PIK3R1: variants seen among roughly 807,000 people sequenced by gnomAD.
PIK3R1 encodes the protein phosphoinositide-3-kinase regulatory subunit 1, also known as phosphatidylinositol 3-kinase regulatory subunit alpha.
PIK3R1 carries 29 observed loss-of-function variants against 98.0 expected under a neutral mutation model. The ratio of observed to expected loss-of-function variants is 0.30; its 90% CI spans 0.22 to 0.40. The LOEUF (loss-of-function observed/expected upper bound fraction) is 0.40, where lower values mean the gene tolerates loss of function less well. Among genes scored for constraint, PIK3R1 ranks in the 10% least tolerant of loss-of-function variants. The pLI, the probability that PIK3R1 is intolerant of heterozygous loss-of-function variation, is 1.00. For synonymous variants in PIK3R1, 282 were observed against 311.8 expected (o/e 0.90, Z 1.01); for missense variants, 596 against 872.7 (o/e 0.68, Z 3.99).
chr5:68,227,703 C>T (rs1379664102), intron 2 of PIK3R1, among the ~76,000 whole-genome samples: 1 of 152,190 alleles, frequency 6.6e-6, no homozygotes, highest in Non-Finnish European at 1.5e-5. Flanking sequence ...TCTCCAGGAT[C>T]GCTGTGGCCA....
intron 8 of PIK3R1, chr5:68,292,728 A>C: frequency 1.6e-6 from 2 of 1,272,418 alleles, no homozygotes; most frequent in East Asian, 7.8e-5. Context: ...AGGGGGAGTA[A>C]GGTTGGAGAA....
Position 68,280,979 on chromosome 5 carries a change from G to A in PIK3R1, c.889G>A (p.Glu297Lys), listed in dbSNP as rs763278796. Residue 297 changes from glutamate (E) to lysine (K), a missense_variant, in exon 7 of 16, where the codon GAA (glutamate) becomes AAA (lysine). Glu to Lys is a moderately conservative substitution (Grantham distance 56). Coordinates refer to ENST00000521381, the MANE Select transcript of PIK3R1 (RefSeq NM_181523.3). The stretch of plus-strand genomic sequence containing the variant: ...AGTTATAGAAATTTTAATCTCAACT[G>A]AATGGAATGAACGACAGCCTGCACC... The part of the protein sequence containing the change: ...IKVIEILIST[E>K]WNERQPAPAL... The A allele has an allele frequency of 3.3e-5, 53 of 1,606,088 alleles. No individual in the cohort carries two copies. The Admixed American group carries it at 4.2e-4, about 13-fold the overall frequency.
chr5:68,216,170 C>T (rs1341266233), intron 1 of PIK3R1, among the ~76,000 whole-genome samples: 2 of 152,156 alleles, frequency 1.3e-5, no homozygotes, highest in Admixed American at 6.5e-5. Context: ...CTGTGAGATC[C>T]CCGCCATCCT....
rs565330128 is a variant in PIK3R1, at chr5:68,266,792, G to C, written c.335-6598G>C. Among the ~76,000 whole-genome samples, 18 of 152,260 alleles carry C rather than the reference G, an allele frequency of 1.2e-4. No individual in the cohort carries two copies. In the East Asian group the frequency reaches 3.5e-3, roughly 29 times the overall value. ...CAAATAGTTTCCTTGCCTTTAAACTGGGGATAATAGAGACTATACACCTTT... is the reference window on the plus strand; with the variant it reads ...CAAATAGTTTCCTTGCCTTTAAACTCGGGATAATAGAGACTATACACCTTT... On this transcript the variant is annotated intron_variant, in intron 2 of 15. Transcript: ENST00000521381.
At chr5:68,277,192 G>A (rs192501588) in intron 4 of PIK3R1, among the ~76,000 whole-genome samples, 2 of 152,358 alleles carry the variant, frequency 1.3e-5, no homozygotes, top group Non-Finnish European at 1.5e-5. Context: ...GCGGGGCAAA[G>A]TGTATGGGAA....
intron 7 of PIK3R1, among the ~76,000 whole-genome samples, chr5:68,287,282 C>T (rs1055720482): frequency 2.0e-5 from 3 of 152,104 alleles, no homozygotes; most frequent in African/African-American, 7.2e-5. Context: ...TTGCATGTGG[C>T]TTAAAAGATT....
Position 68,273,688 on chromosome 5 carries a change from C to G in PIK3R1, c.427+206C>G, listed in dbSNP as rs578178256. 153 of 594,486 alleles carry G rather than the reference C, an allele frequency of 2.6e-4. 1 individual carries two copies. In the East Asian group the frequency reaches 4.2e-3, roughly 16 times the overall value. 36.8% of individuals were successfully genotyped at this position (594,486 alleles called of 1,614,324 possible). A position where few individuals can be genotyped will look rare whatever the true frequency, so the allele number is the denominator to read the frequency against. ...CTAACTCTAGATTATCATGTAGTTT[C>G]CATATGGAAACTATTAAATTCTTCA... On this transcript the variant is annotated intron_variant, in intron 3 of 15. Transcript: ENST00000521381.
At chr5:68,295,600 TTGTAGGAGAAAA>T in intron 14 of PIK3R1, 112 bp downstream of exon 14, 1 of 888,684 alleles carries the variant, frequency 1.1e-6, no homozygotes, top group Non-Finnish European at 1.9e-6. Context: ...TTGGAACATC[TTGTAGGAGAAAA>T]TGTATAAACT....
At chr5:68,224,397 CGAAGT>C (rs1191848613) in intron 1 of PIK3R1, among the ~76,000 whole-genome samples, 1 of 152,170 alleles carries the variant, frequency 6.6e-6, no homozygotes, top group East Asian at 1.9e-4. Flanking sequence ...AACTGAAATG[CGAAGT>C]AGAGTACTAT....
chr5:68,284,091 C>T (rs897868111), intron 7 of PIK3R1, among the ~76,000 whole-genome samples: 9 of 152,192 alleles, frequency 5.9e-5, no homozygotes, highest in Non-Finnish European at 1.2e-4. Context: ...AGTAACTCAG[C>T]TTTTCCAAAT....
chr5:68,217,864 G>C (rs1464085014), intron 1 of PIK3R1: 1 of 152,130 alleles, frequency 6.6e-6, no homozygotes, highest in East Asian at 1.9e-4. Flanking sequence ...TTGGGAGAAA[G>C]TTTAATGTAT....
In PIK3R1 at chr5:68,293,690, T is replaced by TGGA. The variant is rs1747522342; in HGVS notation, c.1300-19_1300-18insGGA. 12 of 1,393,850 alleles carry TGGA rather than the reference T, an allele frequency of 8.6e-6. No homozygotes were observed. The East Asian group carries it at 2.8e-4, about 32-fold the overall frequency. 86.3% of individuals were successfully genotyped at this position (1,393,850 alleles called of 1,614,324 possible). A position where few individuals can be genotyped will look rare whatever the true frequency, so the allele number is the denominator to read the frequency against. On this transcript the variant is annotated intron_variant, in intron 10 of 15. Transcript: ENST00000521381. ...TTGATTAAATACCTTATCCATTGAA[T>TGGA]TTATTTTAATCTTTCTAGGATCAAG...
At chr5:68,262,710 T>C (rs1745856341) in intron 2 of PIK3R1, among the ~76,000 whole-genome samples, 1 of 140,570 alleles carries the variant, frequency 7.1e-6, no homozygotes, top group South Asian at 2.2e-4. Context: ...TAGATGCATG[T>C]AGATGCATGT....
In PIK3R1 at chr5:68,293,694, T is replaced by A. The variant is rs750356306; in HGVS notation, c.1300-15T>A. On this transcript the variant is annotated splice_polypyrimidine_tract_variant and intron_variant, in intron 10 of 15. Coordinates refer to ENST00000521381, the MANE Select transcript of PIK3R1 (RefSeq NM_181523.3). ...TTAAATACCTTATCCATTGAATTTATTTTAATCTTTCTAGGATCAAGTTGT... is the reference window on the plus strand; with the variant it reads ...TTAAATACCTTATCCATTGAATTTAATTTAATCTTTCTAGGATCAAGTTGT... 2.7e-5 allele frequency: 38 copies of A among 1,408,006 alleles called. No homozygotes were observed. The African/African-American group carries it at 4.6e-4, about 17-fold the overall frequency. 87.2% of individuals were successfully genotyped at this position (1,408,006 alleles called of 1,614,324 possible). A position where few individuals can be genotyped will look rare whatever the true frequency, so the allele number is the denominator to read the frequency against.
At chr5:68,236,280 C>T (rs1321068809) in intron 2 of PIK3R1, among the ~76,000 whole-genome samples, 4 of 148,858 alleles carry the variant, frequency 2.7e-5, no homozygotes, top group African/African-American at 9.9e-5. Flanking sequence ...GATGGAGTCT[C>T]GCTCTGTCGC....
At chr5:68,225,305 AT>A (rs1327976966) in intron 1 of PIK3R1, among the ~76,000 whole-genome samples, 2 of 151,376 alleles carry the variant, frequency 1.3e-5, no homozygotes, top group African/African-American at 2.4e-5. Flanking sequence ...GCCTTGCCTA[AT>A]TGTGGCCGAT....
chr5:68,294,741 G>T, intron 12 of PIK3R1, 63 bp downstream of exon 12: 1 of 1,208,920 alleles, frequency 8.3e-7, no homozygotes, highest in Middle Eastern at 2.3e-4. Flanking sequence ...ATTTAAAGAT[G>T]ATCTCGCTTT....
chr5:68,292,237 A>T (rs755483020), intron 7 of PIK3R1, 22 bp from the exon 8 acceptor site: 6 of 1,536,270 alleles, frequency 3.9e-6, no homozygotes, highest in Non-Finnish European at 5.4e-6. Context: ...ATTGCGAACA[A>T]CTTTTTCTTT....
rs1483930137 is a variant in PIK3R1 at position 68,262,836 on chromosome 5, T to TAG, written c.335-10553_335-10552insGA. 5.3e-4 allele frequency among the ~76,000 whole-genome samples: 62 copies of TAG among 116,228 alleles called. 5 individuals carry two copies. The highest frequency in any genetic ancestry group is 7.8e-4 in the Non-Finnish European group (44 of 56,322). The allele number at this position is 116,228 out of a possible 152,430, so 76.3% of individuals were successfully genotyped here. On this transcript the variant is annotated intron_variant, in intron 2 of 15. Coordinates refer to ENST00000521381, the MANE Select transcript of PIK3R1 (RefSeq NM_181523.3). ...ACATGTAGATACATGTAGATACATG[T>TAG]ATACATGTAGATACATGTAGATACA...
Sources: allele counts gnomAD v4.1 joint callset (sites outside exome capture counted in the v4.1 genomes callset), GRCh38; gene constraint gnomAD v4.1.1; transcripts MANE v1.5; gene names NCBI Gene and HGNC (gene_info 2026-07-23, HGNC 2026-07-21).